Variants in CD55 observed in about 807,000 individuals in gnomAD.
CD55 encodes the protein CD55 molecule (Cromer blood group), also known as complement decay-accelerating factor.
Under a neutral mutation model 45.8 loss-of-function variants are expected in CD55, and 41 were observed. The ratio of observed to expected loss-of-function variants is 0.90; its 90% CI spans 0.70 to 1.16. CD55 has a LOEUF of 1.16. CD55 is among the 50% of genes most tolerant of loss of function. The pLI is 0.00. For synonymous variants in CD55, 181 were observed against 181.1 expected, an observed-to-expected ratio of 1.00 and a Z score of 0.01; for missense variants, 416 against 469.8, an observed-to-expected ratio of 0.89 and a Z score of 1.06.
intron 9 of CD55, among the ~76,000 whole-genome samples, chr1:207,347,942 G>T (rs974159599): frequency 6.6e-6 from 1 of 151,928 alleles, no homozygotes; most frequent in Non-Finnish European, 1.5e-5. Flanking sequence ...GTAATATCCC[G>T]TGGTGTATAT....
intron 9 of CD55, among the ~76,000 whole-genome samples, chr1:207,352,199 ATCTTT>A (rs1655891623): frequency 6.8e-6 from 1 of 146,490 alleles, no homozygotes; most frequent in South Asian, 2.2e-4. Flanking sequence ...TGAATTTTAA[ATCTTT>A]TCTTCCGTTG....
At chr1:207,330,147 AC>A (rs1654876699) in intron 5 of CD55, among the ~76,000 whole-genome samples, 1 of 152,158 alleles carries the variant, frequency 6.6e-6, no homozygotes, top group African/African-American at 2.4e-5. Flanking sequence ...TTTGAACTGA[AC>A]CAATGGTGTG....
intron 9 of CD55, chr1:207,350,030 C>T (rs1040941225): frequency 4.5e-6 from 2 of 441,580 alleles, no homozygotes; most frequent in African/African-American, 4.1e-5. Context: ...GTGGTATGTT[C>T]CTTTGATGCC....
rs544656622 is a variant in CD55 at position 207,332,752 on chromosome 1, A to G, written c.853+1456A>G. Among the ~76,000 whole-genome samples, 47 of 152,306 alleles carry G rather than the reference A, an allele frequency of 3.1e-4. No homozygotes were observed. The Middle Eastern group carries it at 0.014, about 44-fold the overall frequency. ...GCAGGCTGATGCTTCCATTAAAACGACTATAAAATCTCAATAGATTACCAA... is the reference window on the plus strand; with the variant it reads ...GCAGGCTGATGCTTCCATTAAAACGGCTATAAAATCTCAATAGATTACCAA... On this transcript the variant is annotated intron_variant, in intron 6 of 9. Coordinates refer to ENST00000367064, the MANE Select transcript of CD55 (RefSeq NM_000574.5).
intron 9 of CD55, among the ~76,000 whole-genome samples, chr1:207,339,718 A>T (rs901372751): frequency 6.6e-6 from 1 of 152,142 alleles, no homozygotes; most frequent in Admixed American, 6.5e-5. Context: ...TAAACATTTC[A>T]CTAAGTAACC....
At chr1:207,336,853 C>G in intron 7 of CD55, 35 bp downstream of exon 7, 1 of 1,612,366 alleles carries the variant, frequency 6.2e-7, no homozygotes, top group Non-Finnish European at 8.5e-7. Flanking sequence ...AAAAACACAC[C>G]ACAGAAAATG....
chr1:207,354,185 T>C, intron 9 of CD55: 1 of 1,322,362 alleles, frequency 7.6e-7, no homozygotes, highest in Non-Finnish European at 9.7e-7. Flanking sequence ...AATGTAAATT[T>C]TGTTTGATGA....
At chr1:207,330,877 T>C (rs1654912323) in intron 5 of CD55, among the ~76,000 whole-genome samples, 1 of 152,238 alleles carries the variant, frequency 6.6e-6, no homozygotes, top group African/African-American at 2.4e-5. Context: ...ATTATTTCTA[T>C]GAATTGGTCT....
At chr1:207,336,989 A>G (rs1655205854) in intron 7 of CD55, 171 bp downstream of exon 7, 1 of 733,588 alleles carries the variant, frequency 1.4e-6, no homozygotes, top group African/African-American at 1.8e-5. Flanking sequence ...AGTCTCATCA[A>G]CACCTCAAAG....
At chr1:207,340,340 A>C in intron 9 of CD55, 2 of 448,322 alleles carry the variant, frequency 4.5e-6, no homozygotes, top group Non-Finnish European at 7.9e-6. Flanking sequence ...TATATGCTAG[A>C]TTTGTTTTCT....
At chr1:207,347,088 C>G in intron 9 of CD55, 1 of 456,198 alleles carries the variant, frequency 2.2e-6, no homozygotes, top group Non-Finnish European at 4.4e-6. Context: ...AGTGTTCTCT[C>G]TTTGATGATC....
At chr1:207,354,239 T>A (rs1655997834) in intron 9 of CD55, 1 of 1,297,358 alleles carries the variant, frequency 7.7e-7, no homozygotes, top group African/African-American at 1.5e-5. Context: ...GTTAAAATTA[T>A]GGCCTGAATC....
intron 5 of CD55, among the ~76,000 whole-genome samples, chr1:207,327,927 C>T (rs1322171093): frequency 6.6e-6 from 1 of 152,114 alleles, no homozygotes; most frequent in Non-Finnish European, 1.5e-5. Flanking sequence ...AGCACCTTTC[C>T]CATTTTCGTT....
chr1:207,323,474 C>T (rs954758200), intron 2 of CD55, among the ~76,000 whole-genome samples: 9 of 152,202 alleles, frequency 5.9e-5, no homozygotes, highest in African/African-American at 2.2e-4. Flanking sequence ...GGTGAATATA[C>T]ATACAGTCAT....
At chr1:207,359,091 ACATCT>A (rs765087900) in intron 9 of CD55, among the ~76,000 whole-genome samples, 3 of 152,202 alleles carry the variant, frequency 2.0e-5, no homozygotes, top group Non-Finnish European at 2.9e-5. Flanking sequence ...ATCTTAAAAG[ACATCT>A]CATATCTTTA....
intron 2 of CD55, among the ~76,000 whole-genome samples, chr1:207,324,032 TA>T (rs1654553124): frequency 6.6e-6 from 1 of 152,122 alleles, no homozygotes; most frequent in Non-Finnish European, 1.5e-5. Context: ...CAGATGTAAA[TA>T]CTTTATGTAT....
At chr1:207,351,906 A>C (rs1392632455) in intron 9 of CD55, among the ~76,000 whole-genome samples, 1 of 152,158 alleles carries the variant, frequency 6.6e-6, no homozygotes, top group Non-Finnish European at 1.5e-5. Context: ...TAAACTGGAC[A>C]TATGGCAACA....
intron 5 of CD55, among the ~76,000 whole-genome samples, chr1:207,330,199 CTTG>C (rs1654880078): frequency 1.3e-5 from 2 of 152,040 alleles, no homozygotes; most frequent in Admixed American, 1.3e-4. Flanking sequence ...ATCAGAACAG[CTTG>C]TTGTTGCTGC....
At chr1:207,328,558 T>C (rs971730651) in intron 5 of CD55, among the ~76,000 whole-genome samples, 1 of 152,250 alleles carries the variant, frequency 6.6e-6, no homozygotes, top group Non-Finnish European at 1.5e-5. Flanking sequence ...ACAGAGGTGC[T>C]GCTAGTTTAC....
Sources: gnomAD v4.1 joint callset for allele counts (sites outside exome capture counted in the v4.1 genomes callset) on GRCh38, gnomAD v4.1.1 for gene constraint, MANE v1.5 for transcripts, NCBI Gene and HGNC (gene_info 2026-07-23, HGNC 2026-07-21) for gene names.